The following KCNK3 variants were observed in gnomAD, a reference collection of about 807,000 sequenced individuals.
KCNK3 encodes the protein potassium channel subfamily K member 3.
KCNK3 carries 9 observed loss-of-function variants against 27.3 expected under a neutral mutation model. That is an observed-to-expected ratio of 0.33 (90% CI 0.20 to 0.57). The LOEUF is 0.57. Ranked by LOEUF, KCNK3 falls within the 20% of genes least tolerant of loss-of-function variation. KCNK3 has a pLI of 0.87. For synonymous variants in KCNK3, 278 were observed against 273.8 expected, an observed-to-expected ratio of 1.02 and a Z score of -0.15; for missense variants, 391 against 577.7, an observed-to-expected ratio of 0.68 and a Z score of 3.31.
intron 1 of KCNK3, among the ~76,000 whole-genome samples, chr2:26,700,578 C>T (rs1670294224): frequency 6.6e-6 from 1 of 152,238 alleles, no homozygotes; most frequent in African/African-American, 2.4e-5. Context: ...ACTACCCCTG[C>T]TTCCTCCAGT....
Position 26,721,662 on chromosome 2 carries a change from T to C in KCNK3, c.284-6005T>C, listed in dbSNP as rs1348928928. Among the ~76,000 whole-genome samples, 2 of 152,122 alleles carry C rather than the reference T, an allele frequency of 1.3e-5. No homozygotes were observed. The highest frequency in any genetic ancestry group is 2.9e-5 in the Non-Finnish European group (2 of 68,014). ...CCAGCCTTCCTCTGAGGGCCCTCCC[T>C]GTGTCTTGCAGCCCCCAGAGCTGCC... On this transcript the variant is annotated intron_variant, in intron 1 of 1. Coordinates refer to ENST00000302909, the MANE Select transcript of KCNK3 (RefSeq NM_002246.3). The surrounding 1 kb of genome is among the most constrained non-coding windows in gnomAD (Gnocchi z 4.3).
rs1663566494 is a variant in KCNK3, at chr2:26,732,906, AG to A, written c.*4342del. 6.6e-6 allele frequency: 1 copy of A among 152,238 alleles called. No homozygotes were observed. Among genetic ancestry groups the A allele is most frequent in the African/African-American group, 2.4e-5 (1 of 41,448 alleles). 9.4% of individuals were successfully genotyped at this position (152,238 alleles called of 1,614,324 possible). A position where few individuals can be genotyped will look rare whatever the true frequency, so the allele number is the denominator to read the frequency against. On this transcript the variant is annotated 3_prime_UTR_variant, in exon 2 of 2. Transcript: ENST00000302909. ...AAACAGACCTGGGAGAAGTCCCCTA[AG>A]GGGCTGCATTTATCCCCATCTCCCT...
chr2:26,727,571 G>T (rs1002107395), intron 1 of KCNK3, 96 bp from the exon 2 acceptor site: 99 of 1,481,132 alleles, frequency 6.7e-5, no homozygotes, highest in Non-Finnish European at 8.6e-5. Flanking sequence ...CCCACAAGGT[G>T]GGGGAGGTGG....
At position 26,721,797 on chromosome 2, in the gene KCNK3, C is replaced by T. The variant is rs886515469; in HGVS notation, c.284-5870C>T. 6.6e-6 allele frequency among the ~76,000 whole-genome samples: 1 copy of T among 152,222 alleles called. No individual in the cohort carries two copies. The highest frequency in any genetic ancestry group is 1.5e-5 in the Non-Finnish European group (1 of 68,034). On this transcript the variant is annotated intron_variant, in intron 1 of 1. Transcript: ENST00000302909. The surrounding 1 kb of genome is among the most constrained non-coding windows in gnomAD (Gnocchi z 4.3). ...TTCACGGCCTTTGGGCACCTCAGGC[C>T]ACAGGTCCCTCATCCACCTTCCCTC...
intron 1 of KCNK3, among the ~76,000 whole-genome samples, chr2:26,711,004 G>A (rs1663101171): frequency 6.6e-6 from 1 of 152,202 alleles, no homozygotes; most frequent in African/African-American, 2.4e-5. Flanking sequence ...GAATGGAGCA[G>A]GGCAAAATGT....
chr2:26,718,913 T>C (rs1372472216), intron 1 of KCNK3, among the ~76,000 whole-genome samples: 1 of 152,220 alleles, frequency 6.6e-6, no homozygotes, highest in Non-Finnish European at 1.5e-5. Flanking sequence ...CAGCCACATT[T>C]TTCATATTTT....
Position 26,728,697 on chromosome 2 carries a change from A to C in KCNK3, c.*129A>C. The C allele has an allele frequency of 1.3e-6, 1 of 783,018 alleles. No homozygotes were observed. The allele number at this position is 783,018 out of a possible 1,614,324, so 48.5% of individuals were successfully genotyped here. On this transcript the variant is annotated 3_prime_UTR_variant, in exon 2 of 2. Transcript: ENST00000302909. ...ACATCCCTCACCACTCTCCCCCAGCACCCCCATCTCCGACTGTGCCTGCTT... is the reference window on the plus strand; with the variant it reads ...ACATCCCTCACCACTCTCCCCCAGCCCCCCCATCTCCGACTGTGCCTGCTT...
At chr2:26,700,694 G>C (rs540837420) in intron 1 of KCNK3, among the ~76,000 whole-genome samples, 42 of 151,716 alleles carry the variant, frequency 2.8e-4, no homozygotes, top group Non-Finnish European at 5.4e-4. Flanking sequence ...GTTTGCTGTT[G>C]CTGCTTCTGC....
intron 1 of KCNK3, among the ~76,000 whole-genome samples, chr2:26,714,030 C>T (rs192746717): frequency 9.4e-4 from 143 of 151,580 alleles, no homozygotes; most frequent in Middle Eastern, 3.4e-3. Flanking sequence ...GAGCCGAGAT[C>T]GCGCCATTGC....
chr2:26,705,732 C>G (rs550358172), intron 1 of KCNK3, among the ~76,000 whole-genome samples: 1 of 152,268 alleles, frequency 6.6e-6, no homozygotes, highest in East Asian at 1.9e-4. Context: ...GGCCTTTGTC[C>G]ACACCATCCC....
At position 26,727,880 on chromosome 2, in the gene KCNK3, C is replaced by T; in HGVS notation, c.497C>T (p.Ser166Leu). The T allele has an allele frequency of 6.2e-7, 1 of 1,614,196 alleles. No individual in the cohort carries two copies. Among genetic ancestry groups the T allele is most frequent in the South Asian group, 1.1e-5 (1 of 91,088 alleles). Residue 166 changes from serine (S) to leucine (L), a missense_variant, in exon 2 of 2, where the codon TCG becomes TTG. Around this residue, in one of 4 missense-constraint regions of KCNK3, gnomAD observed 158 missense variants for 267.7 expected, o/e 0.59. Transcript: ENST00000302909. ...MANMVLIGFF[S>L]CISTLCIGAA... ...AACATGGTGCTCATCGGCTTCTTCT[C>T]GTGCATCAGCACGCTGTGCATCGGC...
chr2:26,710,286 G>A (rs1183393440), intron 1 of KCNK3, among the ~76,000 whole-genome samples: 1 of 152,216 alleles, frequency 6.6e-6, no homozygotes, highest in Non-Finnish European at 1.5e-5. Context: ...GAGATGAGAT[G>A]CAAGCGCACA....
chr2:26,705,378 G>A (rs765454825), intron 1 of KCNK3, among the ~76,000 whole-genome samples: 1 of 152,104 alleles, frequency 6.6e-6, no homozygotes, highest in East Asian at 1.9e-4. Flanking sequence ...TTAAGCACTC[G>A]GTCATCGAGT....
chr2:26,724,761 T>C (rs1017359871), intron 1 of KCNK3, among the ~76,000 whole-genome samples: 3 of 152,060 alleles, frequency 2.0e-5, no homozygotes, highest in Non-Finnish European at 4.4e-5. Context: ...AGTCACTAAG[T>C]TCAACAGGAT....
chr2:26,712,832 C>T (rs946572282), intron 1 of KCNK3, among the ~76,000 whole-genome samples: 2 of 152,066 alleles, frequency 1.3e-5, no homozygotes, highest in African/African-American at 4.8e-5. Flanking sequence ...TCTTCCTGGG[C>T]ACTATGCCAA....
At chr2:26,711,744 G>A (rs528043922) in intron 1 of KCNK3, among the ~76,000 whole-genome samples, 7 of 152,348 alleles carry the variant, frequency 4.6e-5, no homozygotes, top group South Asian at 4.1e-4. Context: ...CGTAGTAAGC[G>A]CTCTATAAAT....
At chr2:26,725,240 G>A (rs1367148213) in intron 1 of KCNK3, among the ~76,000 whole-genome samples, 7 of 152,134 alleles carry the variant, frequency 4.6e-5, no homozygotes, top group Non-Finnish European at 1.0e-4. Context: ...GAGATCCCAC[G>A]ACCACTGCTT....
chr2:26,719,935 T>C (rs1164980773), intron 1 of KCNK3, among the ~76,000 whole-genome samples: 1 of 152,238 alleles, frequency 6.6e-6, no homozygotes, highest in Admixed American at 6.5e-5. Flanking sequence ...GGCTAGTCCC[T>C]GCTCCTCTCT....
At chr2:26,710,129 T>C (rs1198844286) in intron 1 of KCNK3, among the ~76,000 whole-genome samples, 4 of 152,186 alleles carry the variant, frequency 2.6e-5, no homozygotes, top group African/African-American at 9.6e-5. Context: ...CCGCACCCTC[T>C]GCCAAGGGTG....
Sources: allele counts gnomAD v4.1 joint callset (sites outside exome capture counted in the v4.1 genomes callset), GRCh38; gene constraint gnomAD v4.1.1; regional missense constraint gnomAD v4.1.1; non-coding constraint Gnocchi (gnomAD v3.1); transcripts MANE v1.5; gene names NCBI Gene and HGNC (gene_info 2026-07-23, HGNC 2026-07-21).